Variants in TAFA5 observed in about 807,000 individuals in gnomAD.
TAFA5 encodes TAFA chemokine like family member 5, also known as chemokine-like protein TAFA-5.
In TAFA5, 6 loss-of-function variants were observed where a neutral mutation model predicts 15.3. That is an observed-to-expected ratio of 0.39 (90% CI 0.21 to 0.77). The LOEUF is 0.77. Ranked by LOEUF, TAFA5 falls within the 30% of genes least tolerant of loss-of-function variation. The pLI is 0.41. For missense variants in TAFA5, 161 were observed against 193.1 expected, an observed-to-expected ratio of 0.83 and a Z score of 0.98; for synonymous variants, 103 against 80.7, an observed-to-expected ratio of 1.28 and a Z score of -1.48.
chr22:48,592,232 C>T (rs1924595816), intron 1 of TAFA5, among the ~76,000 whole-genome samples: 1 of 152,214 alleles, frequency 6.6e-6, no homozygotes, highest in Non-Finnish European at 1.5e-5. Context: ...TTTCTATGGG[C>T]TGCTGGTCTG....
chr22:48,615,374 A>T (rs932208584), intron 1 of TAFA5, among the ~76,000 whole-genome samples: 2 of 152,166 alleles, frequency 1.3e-5, no homozygotes, highest in African/African-American at 4.8e-5. Flanking sequence ...GGCTACAGCC[A>T]GTCTTTCTTC....
At chr22:48,676,199 G>T (rs1047275261) in intron 2 of TAFA5, among the ~76,000 whole-genome samples, 1 of 152,254 alleles carries the variant, frequency 6.6e-6, no homozygotes, top group Admixed American at 6.5e-5. Context: ...TTCTGGGAGG[G>T]CAGAGAGCCT....
At chr22:48,589,986 C>CGTGTGT (rs35969553) in intron 1 of TAFA5, among the ~76,000 whole-genome samples, 5,307 of 149,708 alleles carry the variant, frequency 0.035, 136 homozygotes, top group Admixed American at 0.082. Context: ...TTGCAGCCGA[C>CGTGTGT]GTGTGTGTGT....
At chr22:48,509,963 AAAG>A (rs1446431336) in intron 1 of TAFA5, among the ~76,000 whole-genome samples, 1 of 86,520 alleles carries the variant, frequency 1.2e-5, no homozygotes, top group Non-Finnish European at 3.3e-5. Flanking sequence ...AAAAAAAAAA[AAAG>A]AAAAAGAAAA....
At chr22:48,544,385 GC>G (rs1457812792) in intron 1 of TAFA5, 2 of 340,370 alleles carry the variant, frequency 5.9e-6, no homozygotes, top group Admixed American at 7.7e-5. Context: ...GGCAGTTCAG[GC>G]TCTGTCCCCA....
At position 48,667,771 on chromosome 22, in the gene TAFA5, GAGCTGTAATCCCCCAGCACTCAGGA is replaced by G. The variant is rs1485452996; in HGVS notation, c.262+21026_262+21050del. 2.1e-5 allele frequency among the ~76,000 whole-genome samples: 2 copies of G among 93,426 alleles called. 1 individual carries two copies. The highest frequency in any genetic ancestry group is 8.1e-5 in the African/African-American group (2 of 24,802). The allele number at this position is 93,426 out of a possible 152,430, so 61.3% of individuals were successfully genotyped here. A position where few individuals can be genotyped will look rare whatever the true frequency, so the allele number is the denominator to read the frequency against. On this transcript the variant is annotated intron_variant, in intron 2 of 3. Transcript: ENST00000402357. ...GCACTCAGGGCCGCGTCTTCACTGG[GAGCTGTAATCCCCCAGCACTCAGGA>G]CCGCGTCTTCACCGGGAGCGTTAAT...
intron 1 of TAFA5, among the ~76,000 whole-genome samples, chr22:48,512,262 C>T (rs928166408): frequency 4.6e-5 from 7 of 152,176 alleles, no homozygotes; most frequent in Non-Finnish European, 8.8e-5. Flanking sequence ...GGCCACAGTG[C>T]AGAAAGGAAA....
intron 1 of TAFA5, among the ~76,000 whole-genome samples, chr22:48,548,553 C>T (rs1294265751): frequency 6.6e-6 from 1 of 152,194 alleles, no homozygotes; most frequent in African/African-American, 2.4e-5. Context: ...GGACCCCAGG[C>T]TCCAGGCTCT....
chr22:48,630,359 G>A (rs1462432778), intron 1 of TAFA5, among the ~76,000 whole-genome samples: 4 of 152,176 alleles, frequency 2.6e-5, no homozygotes, highest in Non-Finnish European at 4.4e-5. Context: ...TTCTGAGAGG[G>A]GCAGGCGCCC....
intron 1 of TAFA5, among the ~76,000 whole-genome samples, chr22:48,631,082 G>A (rs746621493): frequency 4.6e-5 from 7 of 152,196 alleles, no homozygotes; most frequent in African/African-American, 7.2e-5. Flanking sequence ...CCTTTCTAAG[G>A]ACGGACCTCC....
chr22:48,538,739 C>T (rs73423859), intron 1 of TAFA5, among the ~76,000 whole-genome samples: 5,702 of 152,248 alleles, frequency 0.037, 336 homozygotes, highest in African/African-American at 0.13. Context: ...ACCTCCGGAG[C>T]TCATTGAGGG....
At chr22:48,637,772 C>G (rs1292818229) in intron 1 of TAFA5, among the ~76,000 whole-genome samples, 1 of 152,090 alleles carries the variant, frequency 6.6e-6, no homozygotes, top group East Asian at 1.9e-4. Context: ...AAACCATCGA[C>G]GTCCCCAACA....
At chr22:48,534,806 G>C (rs1340183725) in intron 1 of TAFA5, among the ~76,000 whole-genome samples, 1 of 152,184 alleles carries the variant, frequency 6.6e-6, no homozygotes, top group East Asian at 1.9e-4. Context: ...TGCAGGTCAG[G>C]GACACGGGGC....
At chr22:48,683,150 G>A (rs80313345) in intron 2 of TAFA5, among the ~76,000 whole-genome samples, 12,587 of 152,146 alleles carry the variant, frequency 0.083, 781 homozygotes, top group African/African-American at 0.17. Context: ...GCCAGGTTTC[G>A]GAATAGACAC....
intron 1 of TAFA5, among the ~76,000 whole-genome samples, chr22:48,497,480 TG>T (rs917572740): frequency 2.2e-4 from 32 of 142,830 alleles, no homozygotes; most frequent in African/African-American, 8.1e-4. Context: ...GTCATCAGTC[TG>T]GGTTTAGGCC....
In TAFA5 at chr22:48,591,171, T is replaced by C. The variant is rs542621929; in HGVS notation, c.113-55426T>C. Among the ~76,000 whole-genome samples the C allele has an allele frequency of 9.6e-4, 147 of 152,402 alleles. 1 individual carries two copies. Among genetic ancestry groups the C allele is most frequent in the African/African-American group, 3.5e-3 (144 of 41,602 alleles). Reference sequence around the variant, plus strand: ...CTTAGTTGAAACACACATTTCTCTTTTCTCTGAAGTTGGTGGCTTGGCCTT... The same window carrying C: ...CTTAGTTGAAACACACATTTCTCTTCTCTCTGAAGTTGGTGGCTTGGCCTT... On this transcript the variant is annotated intron_variant, in intron 1 of 3. Transcript: ENST00000402357.
At chr22:48,731,399 T>A (rs1929865032) in intron 3 of TAFA5, among the ~76,000 whole-genome samples, 1 of 152,214 alleles carries the variant, frequency 6.6e-6, no homozygotes, top group Non-Finnish European at 1.5e-5. Flanking sequence ...AGATTTTCAA[T>A]GTAGATGAAA....
At chr22:48,740,927 A>G (rs1930161893) in intron 3 of TAFA5, among the ~76,000 whole-genome samples, 2 of 152,172 alleles carry the variant, frequency 1.3e-5, no homozygotes. Context: ...TGATGAGAAC[A>G]TGGCCGCAGG....
intron 1 of TAFA5, chr22:48,539,533 T>G (rs1050084519): frequency 2.1e-6 from 1 of 466,138 alleles, no homozygotes; most frequent in Non-Finnish European, 4.5e-6. Flanking sequence ...TCACTGCAAC[T>G]TTTCTCTTCC....
Sources: allele counts gnomAD v4.1 joint callset (sites outside exome capture counted in the v4.1 genomes callset), GRCh38; gene constraint gnomAD v4.1.1; transcripts MANE v1.5; gene names NCBI Gene and HGNC (gene_info 2026-07-23, HGNC 2026-07-21).